WWP2: variants seen among roughly 807,000 people sequenced by gnomAD.
WWP2 encodes the protein NEDD4-like E3 ubiquitin-protein ligase WWP2.
In WWP2, 57 loss-of-function variants were observed where a neutral mutation model predicts 121.0. The observed-to-expected ratio is 0.47, with a 90% confidence interval of 0.38 to 0.59. WWP2 has a LOEUF of 0.59. Among genes scored for constraint, WWP2 ranks in the 20% least tolerant of loss-of-function variants. The pLI is 0.00. For missense variants in WWP2, 962 were observed against 1,158.9 expected (o/e 0.83, Z 2.47); for synonymous variants, 449 against 441.3 (o/e 1.02, Z -0.22).
chr16:69,866,808 T>G (rs1274281663), intron 6 of WWP2, among the ~76,000 whole-genome samples: 3 of 100,428 alleles, frequency 3.0e-5, no homozygotes, highest in East Asian at 5.6e-4. Context: ...CCGTATTTAT[T>G]TATTTATTTA....
intron 1 of WWP2, among the ~76,000 whole-genome samples, chr16:69,783,684 G>A (rs1035314294): frequency 2.6e-5 from 4 of 152,080 alleles, no homozygotes; most frequent in African/African-American, 4.8e-5. Flanking sequence ...GGTGGCTCAT[G>A]CTTGTAGTCC....
intron 14 of WWP2, 138 bp from the exon 15 acceptor site, chr16:69,931,371 A>G: frequency 2.7e-6 from 4 of 1,467,326 alleles, no homozygotes; most frequent in Non-Finnish European, 3.8e-6. Flanking sequence ...GGCTGTCTCT[A>G]GGAAGCTAGT....
chr16:69,925,120 G>A lies in WWP2; in HGVS notation c.1180-310G>A, dbSNP rs202074799. The A allele has an allele frequency of 1.8e-6, 2 of 1,135,594 alleles. No homozygotes were observed. The highest frequency in any genetic ancestry group is 1.1e-4 in the East Asian group (2 of 17,966). 70.3% of individuals were successfully genotyped at this position (1,135,594 alleles called of 1,614,324 possible). A position where few individuals can be genotyped will look rare whatever the true frequency, so the allele number is the denominator to read the frequency against. On this transcript the variant is annotated intron_variant, in intron 10 of 23. Coordinates refer to ENST00000359154, the MANE Select transcript of WWP2 (RefSeq NM_001270454.2). The surrounding 1 kb of genome is among the most constrained non-coding windows in gnomAD (Gnocchi z 4.0). ...TCCCGGGCCTTCCTACCATGCCAGG[G>A]CTGCTCCCTGCCTCCGCCACCCTGG...
Position 69,880,194 on chromosome 16 carries a change from A to G in WWP2, c.704-7845A>G, listed in dbSNP as rs563226444. ...ATATAGACATGTATATAAAATGAGG[A>G]CTGGGTCTAAATTATTTTCTATGCT... is the stretch of plus-strand genomic sequence containing the variant. On this transcript the variant is annotated intron_variant, in intron 7 of 23. Coordinates refer to ENST00000359154, the MANE Select transcript of WWP2 (RefSeq NM_001270454.2). Among the ~76,000 whole-genome samples, 17 of 151,556 alleles carry G rather than the reference A, an allele frequency of 1.1e-4. No homozygotes were observed. In the South Asian group the frequency reaches 3.5e-3, roughly 32 times the overall value.
intron 1 of WWP2, among the ~76,000 whole-genome samples, chr16:69,780,894 G>C (rs1347332827): frequency 6.6e-6 from 1 of 152,060 alleles, no homozygotes; most frequent in Non-Finnish European, 1.5e-5. Context: ...TGGATGTGGT[G>C]GCAAATGCCT....
chr16:69,810,936 G>A (rs939321744), intron 4 of WWP2, among the ~76,000 whole-genome samples: 3 of 151,716 alleles, frequency 2.0e-5, no homozygotes, highest in African/African-American at 7.3e-5. Flanking sequence ...TCTATTTTTA[G>A]TAGAGATGGG....
At position 69,930,273 on chromosome 16, in the gene WWP2, C is replaced by A; in HGVS notation, c.1445+15C>A. ...TTTGAGTCGGGGTAAGGACTTTGTG[C>A]AGGTAGCAGCAGTGTCAGGAGCCGA... is the stretch of plus-strand genomic sequence containing the variant. On this transcript the variant is annotated intron_variant, in intron 13 of 23. Transcript: ENST00000359154. 2 of 1,611,962 alleles carry A rather than the reference C, an allele frequency of 1.2e-6. No individual in the cohort carries two copies.
rs543424653 is a variant in WWP2, at chr16:69,936,611, G to A, written c.2117+159G>A. ...CTGGTGGGCGGTCATGTGATGGCGC[G>A]AGCTGGGGGAACCAAAGCCGAGGTC... On this transcript the variant is annotated intron_variant, in intron 19 of 23. Coordinates refer to ENST00000359154, the MANE Select transcript of WWP2 (RefSeq NM_001270454.2). 60 of 1,062,952 alleles carry A rather than the reference G, an allele frequency of 5.6e-5. No homozygotes were observed. In the Admixed American group the frequency reaches 1.1e-3, roughly 19 times the overall value. 65.8% of individuals were successfully genotyped at this position (1,062,952 alleles called of 1,614,324 possible).
intron 21 of WWP2, 73 bp from the exon 22 acceptor site, chr16:69,938,954 G>C: frequency 7.0e-7 from 1 of 1,425,180 alleles, no homozygotes; most frequent in Non-Finnish European, 9.7e-7. Flanking sequence ...CGCTGAGCTA[G>C]AGAGCTCCAC....
intron 4 of WWP2, among the ~76,000 whole-genome samples, chr16:69,828,634 G>T (rs1356733265): frequency 4.6e-5 from 7 of 151,970 alleles, no homozygotes; most frequent in African/African-American, 1.7e-4. Flanking sequence ...CAAAGTGCTG[G>T]GATTACAGAT....
chr16:69,771,063 A>G (rs79042252), intron 1 of WWP2, among the ~76,000 whole-genome samples: 9,090 of 152,052 alleles, frequency 0.06, 350 homozygotes, highest in African/African-American at 0.093. Flanking sequence ...TCAGTAAGTA[A>G]CTTGCTCTGG....
rs570009063 is a variant in WWP2, at chr16:69,897,485, C to T, written c.914+9236C>T. On this transcript the variant is annotated intron_variant, in intron 8 of 23. Transcript: ENST00000359154. ...CCAGTACAGCTGAAGCTTCCATGAA[C>T]TCTCTGATCTCATTCCCTGTATACA... is the stretch of plus-strand genomic sequence containing the variant. 4.6e-5 allele frequency among the ~76,000 whole-genome samples: 7 copies of T among 152,284 alleles called. No individual in the cohort carries two copies. The East Asian group carries it at 1.3e-3, about 29-fold the overall frequency.
chr16:69,932,391 G>A (rs925588168), intron 16 of WWP2, among the ~76,000 whole-genome samples: 5 of 152,272 alleles, frequency 3.3e-5, no homozygotes, highest in African/African-American at 1.2e-4. Context: ...CATTGGGCCT[G>A]GAACAGGGGC....
rs1295699491 is a variant in WWP2 at position 69,871,949 on chromosome 16, A to G, written c.703+18A>G. 6.2e-7 allele frequency: 1 copy of G among 1,608,448 alleles called. No homozygotes were observed. The highest frequency in any genetic ancestry group is 1.7e-5 in the Admixed American group (1 of 59,316). ...TGGCACAGGTGAGTGATGGCACCGC[A>G]CGCCAGCCTGCACTGAAGCTGTGGG... On this transcript the variant is annotated intron_variant, in intron 7 of 23. Coordinates refer to ENST00000359154, the MANE Select transcript of WWP2 (RefSeq NM_001270454.2).
At chr16:69,886,603 T>C (rs1434422413) in intron 7 of WWP2, among the ~76,000 whole-genome samples, 1 of 152,104 alleles carries the variant, frequency 6.6e-6, no homozygotes, top group African/African-American at 2.4e-5. Context: ...CTATTAAAAA[T>C]ACAAAAATTA....
In WWP2 at chr16:69,824,130, C is replaced by A. The variant is rs533040352; in HGVS notation, c.341-15996C>A. Among the ~76,000 whole-genome samples, 4 of 152,352 alleles carry A rather than the reference C, an allele frequency of 2.6e-5. No homozygotes were observed. In the South Asian group the frequency reaches 8.3e-4, roughly 32 times the overall value. ...CCGCACCAGTCATTCGGGCGGCTTC[C>A]GCCTGACCGTCCATTCCAGCCTCCC... On this transcript the variant is annotated intron_variant, in intron 4 of 23. Transcript: ENST00000359154.
At chr16:69,836,202 G>T (rs2056874044) in intron 4 of WWP2, among the ~76,000 whole-genome samples, 1 of 152,004 alleles carries the variant, frequency 6.6e-6, no homozygotes, top group Admixed American at 6.6e-5. Context: ...TTTATCCCAA[G>T]AGTATTTTTT....
chr16:69,897,636 G>A (rs1486912280), intron 8 of WWP2, among the ~76,000 whole-genome samples: 2 of 151,998 alleles, frequency 1.3e-5, no homozygotes, highest in African/African-American at 2.4e-5. Flanking sequence ...TAGGCCAGGC[G>A]CAGTGGCTCA....
chr16:69,765,852 G>T (rs752756646), intron 1 of WWP2, among the ~76,000 whole-genome samples: 2 of 151,960 alleles, frequency 1.3e-5, no homozygotes, highest in Non-Finnish European at 2.9e-5. Context: ...AGTTGGGGGC[G>T]GGGGTTCTCA....
Sources: gnomAD v4.1 joint callset for allele counts (sites outside exome capture counted in the v4.1 genomes callset) on GRCh38, gnomAD v4.1.1 for gene constraint, Gnocchi (gnomAD v3.1) non-coding constraint, MANE v1.5 for transcripts, NCBI Gene and HGNC (gene_info 2026-07-23, HGNC 2026-07-21) for gene names.